HSBP1L1: variants seen among roughly 807,000 people sequenced by gnomAD.
The protein encoded by HSBP1L1 is heat shock factor binding protein 1 like 1, also known as heat shock factor-binding protein 1-like protein 1.
A neutral mutation model predicts 9.7 loss-of-function variants in HSBP1L1; 8 were observed. The observed-to-expected ratio is 0.82, with a 90% CI of 0.48 to 1.48. The LOEUF (loss-of-function observed/expected upper bound fraction) is 1.48, where lower values mean the gene tolerates loss of function less well. HSBP1L1 is among the 40% of genes most tolerant of loss of function. HSBP1L1 has a pLI of 0.00. For synonymous variants in HSBP1L1, 39 were observed against 34.4 expected, an observed-to-expected ratio of 1.13 and a Z score of -0.46; for missense variants, 106 against 95.8, an observed-to-expected ratio of 1.11 and a Z score of -0.44.
chr18:79,966,167 C>G (rs1429819407), intron 1 of HSBP1L1, among the ~76,000 whole-genome samples: 5 of 149,000 alleles, frequency 3.4e-5, no homozygotes, highest in Admixed American at 6.6e-5. Flanking sequence ...TCCTGACCTC[C>G]TGATCCACCC....
chr18:79,966,949 C>G (rs557207655), intron 2 of HSBP1L1: 7 of 314,506 alleles, frequency 2.2e-5, no homozygotes, highest in Admixed American at 9.5e-5. Flanking sequence ...GAGATGGAGA[C>G]CATCCTGGCT....
chr18:79,964,914 G>A, intron 1 of HSBP1L1, 128 bp downstream of exon 1: 1 of 429,572 alleles, frequency 2.3e-6, no homozygotes, highest in South Asian at 4.4e-5. Context: ...GGGCCCTGAG[G>A]TCCTGGGGGG....
At chr18:79,967,318 T>C (rs536255675) in intron 2 of HSBP1L1, among the ~76,000 whole-genome samples, 4 of 152,112 alleles carry the variant, frequency 2.6e-5, no homozygotes, top group Non-Finnish European at 5.9e-5. Flanking sequence ...AGCATAACAC[T>C]GAAGCACAGG....
At chr18:79,966,931 G>A (rs539881330) in intron 2 of HSBP1L1, 13 of 365,498 alleles carry the variant, frequency 3.6e-5, no homozygotes, top group Non-Finnish European at 5.6e-5. Flanking sequence ...GGCAGATCAC[G>A]AGGTCAGGAG....
At chr18:79,968,790 C>T (rs1379817215) in intron 3 of HSBP1L1, among the ~76,000 whole-genome samples, 3 of 152,082 alleles carry the variant, frequency 2.0e-5, no homozygotes, top group Admixed American at 1.3e-4. Context: ...CATCAGGGCA[C>T]TGTAGGCATT....
In HSBP1L1 at chr18:79,966,600, T is replaced by G. The variant is rs2145034126; in HGVS notation, c.52-12T>G. The G allele has an allele frequency of 6.5e-7, 1 of 1,545,062 alleles. No individual in the cohort carries two copies. Among genetic ancestry groups the G allele is most frequent in the Non-Finnish European group, 8.8e-7 (1 of 1,141,502 alleles). On this transcript the variant is annotated splice_polypyrimidine_tract_variant and intron_variant, in intron 1 of 3. Coordinates refer to ENST00000451882, the MANE Select transcript of HSBP1L1 (RefSeq NM_001136180.2). Reference sequence around the variant, plus strand: ...AATATTTATTCAATTGTCTTACGGTTTATTTTTTCAGGCAGAAAATCTATT... The same window carrying G: ...AATATTTATTCAATTGTCTTACGGTGTATTTTTTCAGGCAGAAAATCTATT...
intron 3 of HSBP1L1, among the ~76,000 whole-genome samples, chr18:79,969,730 C>A (rs1438168844): frequency 7.2e-6 from 1 of 139,810 alleles, no homozygotes; most frequent in African/African-American, 2.5e-5. Flanking sequence ...TCAGTGGCCC[C>A]ATACTCTGTA....
At chr18:79,966,256 T>C (rs2051256604) in intron 1 of HSBP1L1, among the ~76,000 whole-genome samples, 1 of 151,612 alleles carries the variant, frequency 6.6e-6, no homozygotes, top group African/African-American at 2.4e-5. Context: ...TAAAATGTCA[T>C]ACGTGGGCCA....
intron 2 of HSBP1L1, among the ~76,000 whole-genome samples, chr18:79,967,247 C>G (rs1276420856): frequency 6.6e-6 from 1 of 152,122 alleles, no homozygotes; most frequent in Non-Finnish European, 1.5e-5. Flanking sequence ...TATAACACTT[C>G]CCAGTGGGGC....
At position 79,970,296 on chromosome 18, in the gene HSBP1L1, T is replaced by C. The variant is rs1006318094; in HGVS notation, c.214-144T>C. 5.6e-5 allele frequency: 36 copies of C among 644,376 alleles called. No individual in the cohort carries two copies. In the South Asian group the frequency reaches 6.0e-4, roughly 11 times the overall value. 39.9% of individuals were successfully genotyped at this position (644,376 alleles called of 1,614,324 possible). ...ACAGCAGGTACATAATGAGATAAAC[T>C]TGAAATACAGAGTCCAAATCATTAT... is the stretch of plus-strand genomic sequence containing the variant. On this transcript the variant is annotated intron_variant, in intron 3 of 3. Coordinates refer to ENST00000451882, the MANE Select transcript of HSBP1L1 (RefSeq NM_001136180.2).
rs1195209410 is a variant in HSBP1L1, at chr18:79,969,331, A to AAAAGAAAG, written c.214-1053_214-1046dup. Among the ~76,000 whole-genome samples, 598 of 71,988 alleles carry AAAAGAAAG rather than the reference A, an allele frequency of 8.3e-3. 35 individuals are homozygous for AAAAGAAAG. Among genetic ancestry groups the AAAAGAAAG allele is most frequent in the African/African-American group, 0.011 (199 of 17,314 alleles). The allele number at this position is 71,988 out of a possible 152,430, so 47.2% of individuals were successfully genotyped here. A position where few individuals can be genotyped will look rare whatever the true frequency, so the allele number is the denominator to read the frequency against. ...GAGAAAGGAAAGAAAGAAAGAAAGA[A>AAAAGAAAG]AAAGAAAGAAAGAAAGAAAGAAAGA... On this transcript the variant is annotated intron_variant, in intron 3 of 3. Transcript: ENST00000451882.
Position 79,964,745 on chromosome 18 carries a change from C to G in HSBP1L1, c.10C>G (p.Arg4Gly). ...CCGGCCAGCGGTCCACATGGACGTG[C>G]GGGGCCCTGAAGCCCCCGGCGGGCG... MDV[R>G]GPEAPGGRAL... is the part of the protein sequence containing the mutation. The change falls in exon 1 of 4, where the codon CGG becomes GGG. Residue 4 changes from arginine (R) to glycine (G), a missense_variant. By Grantham distance (125) the Arg-to-Gly change is moderately radical. Coordinates refer to ENST00000451882, the MANE Select transcript of HSBP1L1 (RefSeq NM_001136180.2). The G allele has an allele frequency of 7.0e-7, 1 of 1,422,732 alleles. No homozygotes were observed. The highest frequency in any genetic ancestry group is 1.4e-5 in the South Asian group (1 of 71,126). 88.1% of individuals were successfully genotyped at this position (1,422,732 alleles called of 1,614,324 possible). A position where few individuals can be genotyped will look rare whatever the true frequency, so the allele number is the denominator to read the frequency against.
chr18:79,970,777 C>T lies in HSBP1L1; in HGVS notation c.*326C>T, dbSNP rs1041041337. The stretch of plus-strand genomic sequence containing the variant: ...CTGGGCAGACTAATACAATATGCAA[C>T]ACATTTACAATAAATATACAATAAA... On this transcript the variant is annotated 3_prime_UTR_variant, in exon 4 of 4. Coordinates refer to ENST00000451882, the MANE Select transcript of HSBP1L1 (RefSeq NM_001136180.2). 7 of 283,720 alleles carry T rather than the reference C, an allele frequency of 2.5e-5. No individual in the cohort carries two copies. Among genetic ancestry groups the T allele is most frequent in the African/African-American group, 1.5e-4 (7 of 47,818 alleles). 17.6% of individuals were successfully genotyped at this position (283,720 alleles called of 1,614,324 possible).
intron 1 of HSBP1L1, among the ~76,000 whole-genome samples, chr18:79,966,173 C>T (rs1217195152): frequency 1.3e-5 from 2 of 148,914 alleles, no homozygotes; most frequent in African/African-American, 2.4e-5. Context: ...CCTCCTGATC[C>T]ACCCGCCTCG....
At position 79,964,781 on chromosome 18, in the gene HSBP1L1, G is replaced by A. The variant is rs1260712817; in HGVS notation, c.46G>A (p.Asp16Asn). The A allele has an allele frequency of 2.9e-6, 4 of 1,383,550 alleles. No homozygotes were observed. Among genetic ancestry groups the A allele is most frequent in the Admixed American group, 6.0e-5 (2 of 33,408 alleles). 85.7% of individuals were successfully genotyped at this position (1,383,550 alleles called of 1,614,324 possible). A position where few individuals can be genotyped will look rare whatever the true frequency, so the allele number is the denominator to read the frequency against. The change falls in exon 1 of 4, where the codon GAC (aspartate) becomes AAC (asparagine). Residue 16 changes from aspartate to asparagine, a missense_variant. Transcript: ENST00000451882. ...AGCCCCCGGCGGGCGCGCGCTGCGGGACGCGGTGAGCCCCTCCCCGACTCC... is the reference window on the plus strand; with the variant it reads ...AGCCCCCGGCGGGCGCGCGCTGCGGAACGCGGTGAGCCCCTCCCCGACTCC... ...PEAPGGRALRDAAENLFQELQ... is the reference protein window; with the variant it reads ...PEAPGGRALRNAAENLFQELQ...
rs1415185571 is a variant in HSBP1L1 at position 79,969,307 on chromosome 18, A to AG, written c.213+1125dup. Among the ~76,000 whole-genome samples, 303 of 48,038 alleles carry AG rather than the reference A, an allele frequency of 6.3e-3. 42 individuals carry two copies. In the East Asian group the frequency reaches 0.069, roughly 11 times the overall value. The allele number at this position is 48,038 out of a possible 152,430, so 31.5% of individuals were successfully genotyped here. ...GGGAGGGAGGGAGGGAGAGAGAGAG[A>AG]GAAAGGAAAGAAAGAAAGAAAGAAA... On this transcript the variant is annotated intron_variant, in intron 3 of 3. Coordinates refer to ENST00000451882, the MANE Select transcript of HSBP1L1 (RefSeq NM_001136180.2).
intron 1 of HSBP1L1, among the ~76,000 whole-genome samples, chr18:79,965,836 T>C (rs1033824561): frequency 3.9e-5 from 6 of 152,242 alleles, no homozygotes; most frequent in Non-Finnish European, 7.3e-5. Flanking sequence ...CGCTGCTTGT[T>C]GAAAAGACTT....
chr18:79,967,062 G>A (rs577908910), intron 2 of HSBP1L1: 182 of 155,790 alleles, frequency 1.2e-3, no homozygotes, highest in African/African-American at 2.4e-3. Context: ...GCAGGAGAAT[G>A]GTGTGAACCC....
rs367838981 is a variant in HSBP1L1, at chr18:79,967,302, C to T, written c.118+624C>T. On this transcript the variant is annotated intron_variant, in intron 2 of 3. Coordinates refer to ENST00000451882, the MANE Select transcript of HSBP1L1 (RefSeq NM_001136180.2). Reference sequence around the variant, plus strand: ...GACAGTGCCCCCTAGACCATAGACCCCACAGAGCATAACACTGAAGCACAG... The same window carrying T: ...GACAGTGCCCCCTAGACCATAGACCTCACAGAGCATAACACTGAAGCACAG... Among the ~76,000 whole-genome samples, 22 of 152,262 alleles carry T rather than the reference C, an allele frequency of 1.4e-4. No individual in the cohort carries two copies. The Middle Eastern group carries it at 0.014, about 94-fold the overall frequency.
Sources: allele counts gnomAD v4.1 joint callset (sites outside exome capture counted in the v4.1 genomes callset), GRCh38; gene constraint gnomAD v4.1.1; transcripts MANE v1.5; gene names NCBI Gene and HGNC (gene_info 2026-07-23, HGNC 2026-07-21).